Variants in TYRP1 observed in about 807,000 individuals in gnomAD.
TYRP1 encodes the protein 5,6-dihydroxyindole-2-carboxylic acid oxidase.
A neutral mutation model predicts 42.8 loss-of-function variants in TYRP1; 49 were observed. The ratio of observed to expected loss-of-function variants is 1.14; its 90% CI spans 0.91 to 1.45. TYRP1 has a LOEUF of 1.45. Ranked by LOEUF, TYRP1 falls within the 40% of genes most tolerant of loss-of-function variation. The pLI is 0.00. For synonymous variants in TYRP1, 279 were observed against 235.4 expected (o/e 1.19, Z -1.69); for missense variants, 848 against 662.0 (o/e 1.28, Z -3.08).
chr9:12,709,244 G>C lies in TYRP1; in HGVS notation c.*62G>C, dbSNP rs41314590. Reference sequence around the variant, plus strand: ...ACCACCTGGTTGAATATAATAGATTGAGTTATTAACTGTATTTTCTTTCAC... The same window carrying C: ...ACCACCTGGTTGAATATAATAGATTCAGTTATTAACTGTATTTTCTTTCAC... On this transcript the variant is annotated 3_prime_UTR_variant, in exon 8 of 8. Transcript: ENST00000388918. 6.1e-6 allele frequency: 9 copies of C among 1,467,404 alleles called. No individual in the cohort carries two copies. Among genetic ancestry groups the C allele is most frequent in the Non-Finnish European group, 7.6e-6 (8 of 1,049,680 alleles). 90.9% of individuals were successfully genotyped at this position (1,467,404 alleles called of 1,614,324 possible).
Position 12,708,991 on chromosome 9 carries a change from G to A in TYRP1, c.1423G>A (p.Val475Ile). 1 of 1,612,288 alleles carries A rather than the reference G, an allele frequency of 6.2e-7. No homozygotes were observed. Among genetic ancestry groups the A allele is most frequent in the South Asian group, 1.1e-5 (1 of 91,044 alleles). The change falls in exon 8 of 8, where the codon GTA becomes ATA. Residue 475 changes from valine to isoleucine, a missense_variant. Coordinates refer to ENST00000388918, the MANE Select transcript of TYRP1 (RefSeq NM_000550.3). The part of the protein sequence containing the change: ...EIQWPSREFS[V>I]PEIIAIAVVG... ...TTTCCAAATAGGTCGGGAGTTTAGTGTACCTGAGATAATTGCCATAGCAGT... is the reference window on the plus strand; with the variant it reads ...TTTCCAAATAGGTCGGGAGTTTAGTATACCTGAGATAATTGCCATAGCAGT...
At position 12,695,591 on chromosome 9, in the gene TYRP1, A is replaced by T; in HGVS notation, c.462A>T (p.Thr154=). Residue 154 remains threonine, a synonymous_variant, in exon 3 of 8, where the codon ACA becomes ACT. Coordinates refer to ENST00000388918, the MANE Select transcript of TYRP1 (RefSeq NM_000550.3). ...GGGCCCTGGATATGGCAAAGCGCAC[A>T]ACTCACCCTTTATTTGTCATTGCCA... ...FVRALDMAKR[T]THPLFVIATR... The T allele has an allele frequency of 6.2e-7, 1 of 1,614,172 alleles. No homozygotes were observed. Among genetic ancestry groups the T allele is most frequent in the South Asian group, 1.1e-5 (1 of 91,086 alleles).
At chr9:12,702,071 A>C (rs1352498630) in intron 4 of TYRP1, among the ~76,000 whole-genome samples, 200 bp from the exon 5 acceptor site, 2 of 152,052 alleles carry the variant, frequency 1.3e-5, no homozygotes, top group African/African-American at 4.8e-5. Flanking sequence ...TATGTATCTC[A>C]TATCTACTTG....
intron 5 of TYRP1, among the ~76,000 whole-genome samples, 186 bp from the exon 6 acceptor site, chr9:12,704,340 C>G (rs1163725329): frequency 6.6e-6 from 1 of 151,936 alleles, no homozygotes. Flanking sequence ...TAAAACCAGC[C>G]TAGCTCTGGG....
At position 12,709,162 on chromosome 9, in the gene TYRP1, C is replaced by A; in HGVS notation, c.1594C>A (p.Pro532Thr). 3.1e-6 allele frequency: 5 copies of A among 1,612,426 alleles called. No individual in the cohort carries two copies. Among genetic ancestry groups the A allele is most frequent in the Non-Finnish European group, 4.2e-6 (5 of 1,178,908 alleles). Residue 532 changes from proline (P) to threonine (T), a missense_variant, in exon 8 of 8, where the codon CCT becomes ACT. By Grantham distance (38) the Pro-to-Thr change is conservative (BLOSUM62 -1). Coordinates refer to ENST00000388918, the MANE Select transcript of TYRP1 (RefSeq NM_000550.3). ...TGAAGAATATGAAAAACTCCAGAAT[C>A]CTAATCAGTCTGTGGTCTAACAAAT... ...YAEEYEKLQN[P>T]NQSVV
chr9:12,709,369 T>TTAA lies in TYRP1; in HGVS notation c.*189_*191dup, dbSNP rs1173925125. On this transcript the variant is annotated 3_prime_UTR_variant, in exon 8 of 8. Transcript: ENST00000388918. ...CCTTTCAGAATCTTTTCAATGGGTT[T>TTAA]TAATTTTCAGTTCTATTTAAAATGG... The TTAA allele has an allele frequency of 2.2e-5, 14 of 622,912 alleles. No individual in the cohort carries two copies. The African/African-American group carries it at 2.6e-4, about 11-fold the overall frequency. 38.6% of individuals were successfully genotyped at this position (622,912 alleles called of 1,614,324 possible).
chr9:12,696,661 T>G (rs1014950264), intron 3 of TYRP1, among the ~76,000 whole-genome samples: 16 of 152,164 alleles, frequency 1.1e-4, no homozygotes, highest in African/African-American at 3.9e-4. Context: ...GCAGATAAGC[T>G]TCAAACATAT....
rs1481195636 is a variant in TYRP1, at chr9:12,695,552, G to T, written c.423G>T (p.Lys141Asn). 1 of 1,614,084 alleles carries T rather than the reference G, an allele frequency of 6.2e-7. No homozygotes were observed. The highest frequency in any genetic ancestry group is 8.5e-7 in the Non-Finnish European group (1 of 1,180,022). Residue 141 changes from lysine (K) to asparagine (N), a missense_variant, in exon 3 of 8, where the codon AAG becomes AAT. Transcript: ENST00000388918. ...TTCTGGACTTAAGTAAAGAAGAAAAGAACCACTTTGTCCGGGCCCTGGATA... is the reference window on the plus strand; with the variant it reads ...TTCTGGACTTAAGTAAAGAAGAAAATAACCACTTTGTCCGGGCCCTGGATA... Reference protein sequence around the residue: ...RNLLDLSKEEKNHFVRALDMA... With the variant: ...RNLLDLSKEENNHFVRALDMA...
At chr9:12,698,702 A>G in intron 4 of TYRP1, 47 bp downstream of exon 4, 1 of 1,570,060 alleles carries the variant, frequency 6.4e-7, no homozygotes, top group Non-Finnish European at 8.8e-7. Flanking sequence ...TTTTAGATAA[A>G]GAGATTAAAT....
chr9:12,694,406 A>C, intron 2 of TYRP1, 25 bp downstream of exon 2: 2 of 1,613,058 alleles, frequency 1.2e-6, no homozygotes, highest in Non-Finnish European at 1.7e-6. Flanking sequence ...GAATGAGTTC[A>C]TAAGTCCTGC....
chr9:12,701,329 T>C (rs1466028810), intron 4 of TYRP1, among the ~76,000 whole-genome samples: 1 of 152,006 alleles, frequency 6.6e-6, no homozygotes, highest in Non-Finnish European at 1.5e-5. Flanking sequence ...CCCCCTTTTT[T>C]TGTTTATTTT....
At chr9:12,701,134 A>G (rs1818160819) in intron 4 of TYRP1, among the ~76,000 whole-genome samples, 1 of 151,508 alleles carries the variant, frequency 6.6e-6, no homozygotes. Flanking sequence ...CTAACCAATC[A>G]CCTCTCCTCC....
In TYRP1 at chr9:12,710,264, ACAG is replaced by A; in HGVS notation, c.*1083_*1085del. ...TTAAAATTGGTAAAAATAAATAATA[ACAG>A]TAATAATCATGCACTATAGAAAATG... On this transcript the variant is annotated 3_prime_UTR_variant, in exon 8 of 8. Coordinates refer to ENST00000388918, the MANE Select transcript of TYRP1 (RefSeq NM_000550.3). 6.6e-6 allele frequency: 1 copy of A among 151,346 alleles called. No individual in the cohort carries two copies. Among genetic ancestry groups the A allele is most frequent in the Non-Finnish European group, 1.5e-5 (1 of 67,632 alleles). The allele number at this position is 151,346 out of a possible 1,614,324, so 9.4% of individuals were successfully genotyped here. A position where few individuals can be genotyped will look rare whatever the true frequency, so the allele number is the denominator to read the frequency against.
intron 3 of TYRP1, 93 bp from the exon 4 acceptor site, chr9:12,698,357 AG>A: frequency 8.2e-7 from 1 of 1,214,960 alleles, no homozygotes; most frequent in Non-Finnish European, 1.2e-6. Context: ...GTCTGAAGAG[AG>A]CTAATAGAAA....
In TYRP1 at chr9:12,708,958, T is replaced by A. The variant is rs1412787286; in HGVS notation, c.1409-19T>A. The A allele has an allele frequency of 4.4e-6, 7 of 1,604,386 alleles. No individual in the cohort carries two copies. The highest frequency in any genetic ancestry group is 1.1e-5 in the South Asian group (1 of 90,806). ...ATTTTAATATTTGTCTTTTTATTTT[T>A]ATCTTCCTTTCCAAATAGGTCGGGA... On this transcript the variant is annotated intron_variant, in intron 7 of 7. Coordinates refer to ENST00000388918, the MANE Select transcript of TYRP1 (RefSeq NM_000550.3).
chr9:12,709,279 T>G lies in TYRP1; in HGVS notation c.*97T>G. 2 of 1,197,630 alleles carry G rather than the reference T, an allele frequency of 1.7e-6. No individual in the cohort carries two copies. Among genetic ancestry groups the G allele is most frequent in the Non-Finnish European group, 2.5e-6 (2 of 815,036 alleles). 74.2% of individuals were successfully genotyped at this position (1,197,630 alleles called of 1,614,324 possible). A position where few individuals can be genotyped will look rare whatever the true frequency, so the allele number is the denominator to read the frequency against. On this transcript the variant is annotated 3_prime_UTR_variant, in exon 8 of 8. Transcript: ENST00000388918. ...CTGTATTTTCTTTCACTTTATTACC[T>G]TCTTTCTAATACAAGCATATGTTAG...
chr9:12,695,471 C>G (rs953539068), intron 2 of TYRP1, 44 bp from the exon 3 acceptor site: 1 of 1,590,086 alleles, frequency 6.3e-7, no homozygotes, highest in East Asian at 2.2e-5. Flanking sequence ...CTACCCATCC[C>G]CGCAAGGCAG....
At chr9:12,694,560 G>T in intron 2 of TYRP1, 179 bp downstream of exon 2, 2 of 742,474 alleles carry the variant, frequency 2.7e-6, no homozygotes, top group Non-Finnish European at 4.3e-6. Flanking sequence ...TAAAGGGTTG[G>T]AGTTGAAGCT....
chr9:12,703,883 ATG>A lies in TYRP1; in HGVS notation c.1082-617_1082-616del, dbSNP rs58360847. Among the ~76,000 whole-genome samples, 625 of 143,506 alleles carry A rather than the reference ATG, an allele frequency of 4.4e-3. 11 individuals are homozygous for A. The highest frequency in any genetic ancestry group is 0.033 in the Admixed American group (462 of 14,182). The allele number at this position is 143,506 out of a possible 152,430, so 94.1% of individuals were successfully genotyped here. ...CCTTATATATGGAATATATATATAT[ATG>A]TGTGTGTGTGTGTGTGTGTGTGTGT... On this transcript the variant is annotated intron_variant, in intron 5 of 7. Transcript: ENST00000388918.
Sources: allele counts gnomAD v4.1 joint callset (sites outside exome capture counted in the v4.1 genomes callset), GRCh38; gene constraint gnomAD v4.1.1; transcripts MANE v1.5; gene names NCBI Gene and HGNC (gene_info 2026-07-23, HGNC 2026-07-21).